SETBP1: variants seen among roughly 807,000 people sequenced by gnomAD.
The protein encoded by SETBP1 is SET binding protein 1.
Under a neutral mutation model 101.0 loss-of-function variants are expected in SETBP1, and 9 were observed. That is an observed-to-expected ratio of 0.09 (90% confidence interval 0.05 to 0.16). The LOEUF is 0.16. Ranked by LOEUF, SETBP1 falls within the 10% of genes least tolerant of loss-of-function variation. The pLI, the probability that SETBP1 is intolerant of heterozygous loss-of-function variation, is 1.00. For missense variants in SETBP1, 1,858 were observed against 2,033.8 expected, an observed-to-expected ratio of 0.91 and a Z score of 1.66; for synonymous variants, 818 against 788.5, an observed-to-expected ratio of 1.04 and a Z score of -0.63.
At chr18:44,806,918 T>C (rs1333792259) in intron 2 of SETBP1, among the ~76,000 whole-genome samples, 1 of 152,020 alleles carries the variant, frequency 6.6e-6, no homozygotes. Flanking sequence ...TGCTTTCTCA[T>C]CTTTTAATGT....
intron 2 of SETBP1, among the ~76,000 whole-genome samples, chr18:44,786,007 T>G (rs1436551064): frequency 6.6e-6 from 1 of 152,212 alleles, no homozygotes; most frequent in African/African-American, 2.4e-5. Context: ...TTTTTACATA[T>G]GACCTTCTCT....
chr18:44,821,001 A>G (rs1599173835), intron 2 of SETBP1, among the ~76,000 whole-genome samples: 1 of 152,206 alleles, frequency 6.6e-6, no homozygotes, highest in African/African-American at 2.4e-5. Context: ...ATTGGCAGGT[A>G]AGGATCTTGC....
rs1255196053 is a variant in SETBP1 at position 44,976,114 on chromosome 18, A to ACACG, written c.4000+22776_4000+22777insCGCA. Among the ~76,000 whole-genome samples the ACACG allele has an allele frequency of 1.1e-3, 160 of 149,334 alleles. 1 individual carries two copies. Among genetic ancestry groups the ACACG allele is most frequent in the Middle Eastern group, 3.4e-3 (1 of 290 alleles). On this transcript the variant is annotated intron_variant, in intron 4 of 5. Coordinates refer to ENST00000649279, the MANE Select transcript of SETBP1 (RefSeq NM_015559.3). ...CACACACACACACACACACACACACACAGACTCATACTCCTATGCACATAG... is the reference window on the plus strand; with the variant it reads ...CACACACACACACACACACACACACACACGCAGACTCATACTCCTATGCACATAG...
At position 45,063,762 on chromosome 18, in the gene SETBP1, G is replaced by A; in HGVS notation, c.*64G>A. ...GACACGTGGGAAGCGCAGTGAGCCGGGGCGGGGGCGGAATCCCCCGCTGCA... is the reference window on the plus strand; with the variant it reads ...GACACGTGGGAAGCGCAGTGAGCCGAGGCGGGGGCGGAATCCCCCGCTGCA... On this transcript the variant is annotated 3_prime_UTR_variant, in exon 6 of 6. Transcript: ENST00000649279. The A allele has an allele frequency of 5.2e-6, 8 of 1,533,614 alleles. No individual in the cohort carries two copies. Among genetic ancestry groups the A allele is most frequent in the Non-Finnish European group, 7.0e-6 (8 of 1,135,566 alleles).
intron 2 of SETBP1, among the ~76,000 whole-genome samples, chr18:44,776,945 G>C (rs1291592279): frequency 6.6e-6 from 1 of 152,184 alleles, no homozygotes; most frequent in African/African-American, 2.4e-5. Context: ...TTTTCCCTTA[G>C]GCTACCTCCC....
At chr18:45,007,515 T>C (rs2072754873) in intron 4 of SETBP1, among the ~76,000 whole-genome samples, 1 of 152,010 alleles carries the variant, frequency 6.6e-6, no homozygotes. Flanking sequence ...CCATTCTCTA[T>C]GTACCTTGCC....
At chr18:44,820,493 T>A (rs1285215193) in intron 2 of SETBP1, among the ~76,000 whole-genome samples, 3 of 152,106 alleles carry the variant, frequency 2.0e-5, no homozygotes, top group African/African-American at 4.8e-5. Context: ...TATTTCTGAA[T>A]GGTGGTGGGT....
intron 3 of SETBP1, among the ~76,000 whole-genome samples, chr18:44,943,452 T>C (rs1184093837): frequency 6.6e-6 from 1 of 152,228 alleles, no homozygotes; most frequent in Non-Finnish European, 1.5e-5. Context: ...GCCTCTCTAG[T>C]CCTTAACCCA....
chr18:44,807,693 C>G (rs1240784311), intron 2 of SETBP1, among the ~76,000 whole-genome samples: 3 of 152,170 alleles, frequency 2.0e-5, no homozygotes, highest in Non-Finnish European at 4.4e-5. Context: ...CTAGTAGGAT[C>G]TTCATTTCTA....
intron 4 of SETBP1, among the ~76,000 whole-genome samples, chr18:45,019,539 G>C (rs2073015342): frequency 6.6e-6 from 1 of 152,084 alleles, no homozygotes; most frequent in East Asian, 1.9e-4. Flanking sequence ...TTTGCTCTCT[G>C]AATCCTGGTT....
chr18:44,914,819 T>C (rs1479763039), intron 3 of SETBP1, among the ~76,000 whole-genome samples: 1 of 152,124 alleles, frequency 6.6e-6, no homozygotes, highest in Non-Finnish European at 1.5e-5. Flanking sequence ...CCAGTGCTTT[T>C]GGCAGCAAGC....
intron 2 of SETBP1, among the ~76,000 whole-genome samples, chr18:44,786,519 A>G (rs1376587295): frequency 6.6e-6 from 1 of 152,196 alleles, no homozygotes; most frequent in Non-Finnish European, 1.5e-5. Context: ...CAGATATGTT[A>G]TATGGAACTT....
At chr18:44,927,599 G>A (rs574895791) in intron 3 of SETBP1, among the ~76,000 whole-genome samples, 100 of 152,310 alleles carry the variant, frequency 6.6e-4, no homozygotes, top group Non-Finnish European at 1.3e-3. Context: ...TATTTGGCCC[G>A]AAATAACTGC....
intron 4 of SETBP1, among the ~76,000 whole-genome samples, chr18:44,954,136 A>C (rs181499402): frequency 1.2e-4 from 19 of 152,262 alleles, no homozygotes; most frequent in African/African-American, 4.3e-4. Context: ...ATTCCTTGTC[A>C]GTTGCTGGCA....
intron 1 of SETBP1, among the ~76,000 whole-genome samples, chr18:44,687,620 G>T (rs2068859814): frequency 6.6e-6 from 1 of 152,130 alleles, no homozygotes; most frequent in Non-Finnish European, 1.5e-5. Flanking sequence ...GTTTTGAATT[G>T]GTTCTCTTTG....
intron 2 of SETBP1, among the ~76,000 whole-genome samples, chr18:44,798,205 A>G (rs1233429975): frequency 1.3e-5 from 2 of 152,226 alleles, no homozygotes; most frequent in East Asian, 1.9e-4. Context: ...CCAAGAAATA[A>G]CATAATGTTG....
chr18:44,864,706 G>A (rs773494413), intron 2 of SETBP1, among the ~76,000 whole-genome samples: 41 of 152,106 alleles, frequency 2.7e-4, no homozygotes, highest in Admixed American at 5.2e-4. Context: ...GCACCCTCTC[G>A]ACCCTCTAGC....
At chr18:44,828,148 T>C (rs946046019) in intron 2 of SETBP1, among the ~76,000 whole-genome samples, 3 of 152,206 alleles carry the variant, frequency 2.0e-5, no homozygotes, top group African/African-American at 7.2e-5. Context: ...GAAATGTCCC[T>C]TTGTTGTCTT....
rs146809222 is a variant in SETBP1 at position 45,021,744 on chromosome 18, C to T, written c.4001-16741C>T. 1.0e-3 allele frequency among the ~76,000 whole-genome samples: 156 copies of T among 152,196 alleles called. No homozygotes were observed. The East Asian group carries it at 0.029, about 28-fold the overall frequency. ...CTTGAAAACATAACTCTCTCTAAGC[C>T]CTCCTCTCCAGCTTTCTCTAAACAT... is the stretch of plus-strand genomic sequence containing the variant. On this transcript the variant is annotated intron_variant, in intron 4 of 5. Coordinates refer to ENST00000649279, the MANE Select transcript of SETBP1 (RefSeq NM_015559.3).
Sources: allele counts gnomAD v4.1 joint callset (sites outside exome capture counted in the v4.1 genomes callset), GRCh38; gene constraint gnomAD v4.1.1; transcripts MANE v1.5; gene names NCBI Gene and HGNC (gene_info 2026-07-23, HGNC 2026-07-21).